Variants in HEATR5B observed in about 807,000 individuals in gnomAD.
HEATR5B encodes the protein HEAT repeat-containing protein 5B.
In HEATR5B, 156 loss-of-function variants were observed where a neutral mutation model predicts 224.1. That is an observed-to-expected ratio of 0.70 (90% CI 0.61 to 0.80). The LOEUF is 0.80. Ranked by LOEUF, HEATR5B falls within the 30% of genes least tolerant of loss-of-function variation. The probability of loss-of-function intolerance (pLI) is 0.00; values close to 1 mark genes in which losing one functional copy is unlikely to be tolerated. For synonymous variants in HEATR5B, 1,027 were observed against 893.0 expected (o/e 1.15, Z -2.68); for missense variants, 2,323 against 2,535.5 (o/e 0.92, Z 1.80).
chr2:37,083,214 A>G, intron 2 of HEATR5B, 75 bp downstream of exon 2: 1 of 1,530,364 alleles, frequency 6.5e-7, no homozygotes, highest in South Asian at 1.1e-5. Flanking sequence ...AAAACATAAC[A>G]TGTGTTTTCT....
chr2:37,032,536 T>C lies in HEATR5B; in HGVS notation c.3361+93A>G, dbSNP rs555194552. On this transcript the variant is annotated intron_variant, in intron 22 of 35. Coordinates refer to ENST00000233099, the MANE Select transcript of HEATR5B (RefSeq NM_019024.3). Reference sequence around the variant, plus strand: ...TCAAAGAATAAGACATCTGGCCACATTGCAACAGAAAAATGTTATTTGATA... The same window carrying C: ...TCAAAGAATAAGACATCTGGCCACACTGCAACAGAAAAATGTTATTTGATA... 1.1e-4 allele frequency: 116 copies of C among 1,045,498 alleles called. 1 individual carries two copies. The East Asian group carries it at 1.4e-3, about 13-fold the overall frequency. The allele number at this position is 1,045,498 out of a possible 1,614,324, so 64.8% of individuals were successfully genotyped here. A position where few individuals can be genotyped will look rare whatever the true frequency, so the allele number is the denominator to read the frequency against.
At chr2:37,082,565 G>A (rs375460387) in intron 2 of HEATR5B, among the ~76,000 whole-genome samples, 2 of 152,184 alleles carry the variant, frequency 1.3e-5, no homozygotes, top group African/African-American at 2.4e-5. Flanking sequence ...GCTTAAAGGC[G>A]CTCTTAAACC....
At chr2:37,017,002 T>C (rs1377867110) in intron 26 of HEATR5B, among the ~76,000 whole-genome samples, 1 of 152,092 alleles carries the variant, frequency 6.6e-6, no homozygotes, top group Non-Finnish European at 1.5e-5. Flanking sequence ...AAAGAACATA[T>C]GGGAAAGATT....
Position 37,028,839 on chromosome 2 carries a change from C to T in HEATR5B, c.3443G>A (p.Gly1148Asp). The change falls in exon 23 of 36, where the codon GGT becomes GAT. Residue 1148 changes from glycine to aspartate, a missense_variant. Transcript: ENST00000233099. The part of the protein sequence containing the change: ...RHQGVNITET[G>D]LEGLLFGMLD... ...CATTCCAAAAAGAAGTCCCTCAAGACCAGTTTCTGTTATATTAACACCTTG... is the reference window on the plus strand; with the variant it reads ...CATTCCAAAAAGAAGTCCCTCAAGATCAGTTTCTGTTATATTAACACCTTG... 6.2e-7 allele frequency: 1 copy of T among 1,614,080 alleles called. No individual in the cohort carries two copies. The highest frequency in any genetic ancestry group is 8.5e-7 in the Non-Finnish European group (1 of 1,179,970).
In HEATR5B at chr2:37,000,777, A is replaced by G. The variant is rs1361942067; in HGVS notation, c.5354T>C (p.Ile1785Thr). Residue 1785 changes from isoleucine (I) to threonine (T), a missense_variant, in exon 33 of 36, where the codon ATT becomes ACT. Ile to Thr is a moderately conservative substitution (Grantham distance 89). This residue lies in a region of HEATR5B where 844 missense variants were observed against 812.9 expected (regional missense o/e 1.04). Transcript: ENST00000233099. ...TGCTGTGTCTTTCAATATTCTTGCA[A>G]TTAAGAACAGAATTGTGGGCAGGAT... is the stretch of plus-strand genomic sequence containing the variant. ...MTILPTILFL[I>T]ARILKDTAIK... The G allele has an allele frequency of 1.2e-6, 2 of 1,614,132 alleles. No homozygotes were observed. Among genetic ancestry groups the G allele is most frequent in the East Asian group, 4.5e-5 (2 of 44,886 alleles).
chr2:37,056,854 A>G (rs1358180670), intron 15 of HEATR5B, among the ~76,000 whole-genome samples: 9 of 152,196 alleles, frequency 5.9e-5, no homozygotes. Context: ...TACACCACCC[A>G]CCTTATTGCG....
At chr2:37,038,481 T>A (rs565008044) in intron 20 of HEATR5B, among the ~76,000 whole-genome samples, 1 of 152,240 alleles carries the variant, frequency 6.6e-6, no homozygotes, top group South Asian at 2.1e-4. Context: ...ATCATAAAAA[T>A]CACATAAGAG....
chr2:37,077,347 C>T (rs1019226871), intron 3 of HEATR5B, among the ~76,000 whole-genome samples: 18 of 151,944 alleles, frequency 1.2e-4, no homozygotes, highest in Admixed American at 3.9e-4. Flanking sequence ...CTCACTCTGT[C>T]ACCCACGCTG....
Position 36,981,649 on chromosome 2 carries a change from A to G in HEATR5B, c.6057T>C (p.His2019=). 3.1e-6 allele frequency: 5 copies of G among 1,614,190 alleles called. No homozygotes were observed. The highest frequency in any genetic ancestry group is 1.3e-5 in the African/African-American group (1 of 75,050). Residue 2019 remains histidine, a synonymous_variant, in exon 36 of 36, where the codon CAT becomes CAC. Coordinates refer to ENST00000233099, the MANE Select transcript of HEATR5B (RefSeq NM_019024.3). The part of the protein sequence containing the change: ...NLMHIGPLYP[H]AFKTVMGAAP... ...CAGCCCCCATTACTGTCTTGAAAGC[A>G]TGTGGATACAGAGGTCCAATATGCA...
At chr2:37,030,808 A>G (rs528976302) in intron 22 of HEATR5B, among the ~76,000 whole-genome samples, 22 of 152,314 alleles carry the variant, frequency 1.4e-4, no homozygotes, top group African/African-American at 5.3e-4. Context: ...ACCAGGTGCA[A>G]AAACAAATTA....
chr2:37,000,699 C>T lies in HEATR5B; in HGVS notation c.5432G>A (p.Gly1811Glu). 6.2e-7 allele frequency: 1 copy of T among 1,614,062 alleles called. No homozygotes were observed. Among genetic ancestry groups the T allele is most frequent in the Non-Finnish European group, 8.5e-7 (1 of 1,179,966 alleles). Residue 1811 changes from glycine to glutamate, a missense_variant, in exon 33 of 36, where the codon GGG (glycine) becomes GAG (glutamate). By Grantham distance (98) the Gly-to-Glu change is moderately conservative (BLOSUM62 -2). Around this residue, in one of 12 missense-constraint regions of HEATR5B, gnomAD observed 844 missense variants for 812.9 expected, o/e 1.04. Transcript: ENST00000233099. ...VPPPVSAALQ[G>E]IKSIVTLSMA... ...TGAAAGTGTCACAATACTTTTAATC[C>T]CTTGAAGAGCTGCACTGACTGGTGG...
intron 26 of HEATR5B, among the ~76,000 whole-genome samples, chr2:37,015,604 T>A (rs758007816): frequency 4.6e-5 from 7 of 152,194 alleles, no homozygotes; most frequent in Non-Finnish European, 7.3e-5. Context: ...AGCTTCTGAC[T>A]TGAATGGAAG....
intron 21 of HEATR5B, among the ~76,000 whole-genome samples, chr2:37,036,395 C>A (rs1164140337): frequency 2.6e-5 from 4 of 152,208 alleles, no homozygotes; most frequent in Non-Finnish European, 4.4e-5. Flanking sequence ...CAGCCCTTCC[C>A]AGTTTAGGGC....
intron 17 of HEATR5B, among the ~76,000 whole-genome samples, chr2:37,052,312 T>C (rs1270336145): frequency 6.6e-6 from 1 of 152,144 alleles, no homozygotes; most frequent in Non-Finnish European, 1.5e-5. Context: ...AGGCCCACCT[T>C]GGATGTCTGA....
chr2:36,993,715 T>C (rs1666496227), intron 33 of HEATR5B, among the ~76,000 whole-genome samples: 2 of 152,050 alleles, frequency 1.3e-5, no homozygotes, highest in South Asian at 4.1e-4. Context: ...TTCCCAATAA[T>C]GGGACAAAGC....
intron 30 of HEATR5B, among the ~76,000 whole-genome samples, chr2:37,004,482 C>G (rs1667287261): frequency 6.6e-6 from 1 of 151,666 alleles, no homozygotes; most frequent in African/African-American, 2.4e-5. Flanking sequence ...CTTTTATCTA[C>G]CCTATGTCCT....
At chr2:36,990,586 A>G in intron 34 of HEATR5B, 62 bp downstream of exon 34, 1 of 1,375,970 alleles carries the variant, frequency 7.3e-7, no homozygotes, top group Non-Finnish European at 9.8e-7. Context: ...TAATGAATCA[A>G]TCTGACATTT....
At chr2:37,018,189 T>C (rs1668241640) in intron 26 of HEATR5B, among the ~76,000 whole-genome samples, 1 of 148,910 alleles carries the variant, frequency 6.7e-6, no homozygotes, top group Admixed American at 6.6e-5. Context: ...AAAAAAAAAC[T>C]TCTTATAAAA....
Position 37,037,145 on chromosome 2 carries a change from G to GAGATGGATATATATAT in HEATR5B, c.3216+709_3216+710insATATATATATCCATCT. ...TTCCGAGTAGGAAAACTAAAAATGT[G>GAGATGGATATATATAT]ATATATATATATATTTTGGAGATGG... On this transcript the variant is annotated intron_variant, in intron 21 of 35. Coordinates refer to ENST00000233099, the MANE Select transcript of HEATR5B (RefSeq NM_019024.3). Among the ~76,000 whole-genome samples, 132 of 89,174 alleles carry GAGATGGATATATATAT rather than the reference G, an allele frequency of 1.5e-3. 29 individuals carry two copies. The East Asian group carries it at 0.04, about 27-fold the overall frequency. 58.5% of individuals were successfully genotyped at this position (89,174 alleles called of 152,430 possible).
Sources: gnomAD v4.1 joint callset for allele counts (sites outside exome capture counted in the v4.1 genomes callset) on GRCh38, gnomAD v4.1.1 for gene constraint, gnomAD v4.1.1 regional missense constraint, MANE v1.5 for transcripts, NCBI Gene and HGNC (gene_info 2026-07-23, HGNC 2026-07-21) for gene names.